Variants in MBOAT1 observed in about 807,000 individuals in gnomAD.
MBOAT1 encodes the protein membrane-bound glycerophospholipid O-acyltransferase 1.
Under a neutral mutation model 64.4 loss-of-function variants are expected in MBOAT1, and 67 were observed. The observed-to-expected ratio is 1.04, with a 90% CI of 0.85 to 1.27. The LOEUF is 1.27. Ranked by LOEUF, MBOAT1 falls within the 50% of genes most tolerant of loss-of-function variation. The pLI, the probability that MBOAT1 is intolerant of heterozygous loss-of-function variation, is 0.00. For missense variants in MBOAT1, 563 were observed against 604.6 expected (o/e 0.93, Z 0.72); for synonymous variants, 229 against 218.9 (o/e 1.05, Z -0.41).
chr6:20,194,575 A>ATCATATTAAGGGTG (rs1762900649), intron 1 of MBOAT1, among the ~76,000 whole-genome samples: 1 of 152,166 alleles, frequency 6.6e-6, no homozygotes, highest in Non-Finnish European at 1.5e-5. Flanking sequence ...TGCCATTTTC[A>ATCATATTAAGGGTG]CCACATCATA....
At chr6:20,128,111 C>T (rs192165554) in intron 6 of MBOAT1, among the ~76,000 whole-genome samples, 2 of 152,152 alleles carry the variant, frequency 1.3e-5, no homozygotes, top group East Asian at 3.9e-4. Context: ...TGGCTGCACC[C>T]GATGTGCTAC....
At chr6:20,150,521 A>G (rs977906586) in intron 3 of MBOAT1, among the ~76,000 whole-genome samples, 3 of 149,166 alleles carry the variant, frequency 2.0e-5, no homozygotes, top group African/African-American at 4.9e-5. Flanking sequence ...TATCCACGAC[A>G]TTGAGTATAC....
chr6:20,150,914 G>A (rs1323172957), intron 3 of MBOAT1, among the ~76,000 whole-genome samples: 1 of 151,948 alleles, frequency 6.6e-6, no homozygotes, highest in East Asian at 1.9e-4. Flanking sequence ...GAACATTTGA[G>A]TTGCTTCCAG....
At chr6:20,146,530 A>T (rs765311866) in intron 3 of MBOAT1, among the ~76,000 whole-genome samples, 24 of 152,258 alleles carry the variant, frequency 1.6e-4, no homozygotes, top group Non-Finnish European at 3.2e-4. Context: ...GAGTTGAAGC[A>T]GAAGTGGAAT....
At chr6:20,185,644 T>C (rs936571852) in intron 1 of MBOAT1, among the ~76,000 whole-genome samples, 6 of 152,210 alleles carry the variant, frequency 3.9e-5, no homozygotes, top group African/African-American at 1.4e-4. Flanking sequence ...GGTTTTGTTT[T>C]GTGTGGAGAA....
intron 12 of MBOAT1, 21 bp from the exon 13 acceptor site, chr6:20,102,433 A>T: frequency 6.3e-7 from 1 of 1,574,970 alleles, no homozygotes; most frequent in South Asian, 1.1e-5. Flanking sequence ...AAATATACAA[A>T]AATTATATTT....
chr6:20,135,683 T>A (rs1454604583), intron 4 of MBOAT1, among the ~76,000 whole-genome samples: 1 of 152,120 alleles, frequency 6.6e-6, no homozygotes, highest in Non-Finnish European at 1.5e-5. Flanking sequence ...CAAGATGAAC[T>A]GACATTCAAG....
chr6:20,117,370 T>C (rs1237446638), intron 9 of MBOAT1, among the ~76,000 whole-genome samples: 1 of 152,196 alleles, frequency 6.6e-6, no homozygotes, highest in Non-Finnish European at 1.5e-5. Context: ...TTTACTTAGA[T>C]AACAGTGGCA....
chr6:20,149,025 C>T (rs182727826), intron 3 of MBOAT1, among the ~76,000 whole-genome samples: 22 of 148,842 alleles, frequency 1.5e-4, no homozygotes, highest in Admixed American at 4.1e-4. Context: ...CACTTGAACC[C>T]GGGAGGTGGA....
In MBOAT1 at chr6:20,102,247, C is replaced by T. The variant is rs961154801; in HGVS notation, c.*39G>A. On this transcript the variant is annotated 3_prime_UTR_variant, in exon 13 of 13. Transcript: ENST00000324607. ...AAGCCTTGTCATCTCATCTTTCGAA[C>T]GTTCTGCAGTTTTGCTTGTTCCGCT... 3 of 1,595,676 alleles carry T rather than the reference C, an allele frequency of 1.9e-6. No individual in the cohort carries two copies. The highest frequency in any genetic ancestry group is 8.5e-7 in the Non-Finnish European group (1 of 1,170,652).
chr6:20,170,802 T>C (rs562633597), intron 1 of MBOAT1, among the ~76,000 whole-genome samples: 2 of 152,274 alleles, frequency 1.3e-5, no homozygotes, highest in African/African-American at 4.8e-5. Context: ...CCTCTTTACC[T>C]GGGCAAAAAA....
chr6:20,189,432 C>T (rs1274162666), intron 1 of MBOAT1, among the ~76,000 whole-genome samples: 1 of 152,028 alleles, frequency 6.6e-6, no homozygotes, highest in East Asian at 1.9e-4. Flanking sequence ...CTATGTTGCC[C>T]AGGCTGGAGT....
intron 8 of MBOAT1, among the ~76,000 whole-genome samples, chr6:20,124,062 A>T (rs1445015414): frequency 6.6e-6 from 1 of 152,184 alleles, no homozygotes; most frequent in Non-Finnish European, 1.5e-5. Context: ...ATGTCAAAAA[A>T]AAAGAAAGCC....
chr6:20,143,615 T>C (rs1423507134), intron 4 of MBOAT1, among the ~76,000 whole-genome samples: 1 of 151,960 alleles, frequency 6.6e-6, no homozygotes, highest in African/African-American at 2.4e-5. Context: ...AGGTGGAGGA[T>C]TGGAGGAGGG....
At chr6:20,186,469 G>A (rs1262618213) in intron 1 of MBOAT1, among the ~76,000 whole-genome samples, 3 of 152,190 alleles carry the variant, frequency 2.0e-5, no homozygotes, top group African/African-American at 7.2e-5. Flanking sequence ...AAACCAGAAA[G>A]AGAAATGAGA....
chr6:20,114,607 G>A (rs1169792764), intron 10 of MBOAT1, among the ~76,000 whole-genome samples: 1 of 152,160 alleles, frequency 6.6e-6, no homozygotes, highest in Non-Finnish European at 1.5e-5. Flanking sequence ...TCTGGGCTGG[G>A]TGCGGTGGCT....
intron 1 of MBOAT1, among the ~76,000 whole-genome samples, chr6:20,186,098 G>A (rs887793377): frequency 2.0e-5 from 3 of 152,140 alleles, no homozygotes; most frequent in Non-Finnish European, 4.4e-5. Flanking sequence ...CTGGATGATC[G>A]CTTGAGCCTA....
chr6:20,153,827 T>C (rs1459490061), intron 1 of MBOAT1, among the ~76,000 whole-genome samples: 1 of 152,188 alleles, frequency 6.6e-6, no homozygotes. Flanking sequence ...CTGAAATCTA[T>C]AGAAAAGGTC....
chr6:20,200,649 C>T (rs1476436199), intron 1 of MBOAT1, among the ~76,000 whole-genome samples: 3 of 152,150 alleles, frequency 2.0e-5, no homozygotes, highest in Non-Finnish European at 4.4e-5. Context: ...CAGCTCATTG[C>T]TCTTCCCCTC....
Sources: allele counts gnomAD v4.1 joint callset (sites outside exome capture counted in the v4.1 genomes callset), GRCh38; gene constraint gnomAD v4.1.1; transcripts MANE v1.5; gene names NCBI Gene and HGNC (gene_info 2026-07-23, HGNC 2026-07-21).